Variants in NOL8 observed in about 807,000 individuals in gnomAD.
NOL8 encodes the protein nucleolar protein Nop132.
In NOL8, 93 loss-of-function variants were observed where a neutral mutation model predicts 116.1. The ratio of observed to expected loss-of-function variants is 0.80; its 90% CI spans 0.68 to 0.95. The LOEUF is 0.95. NOL8 is among the 40% of genes least tolerant of loss of function. The pLI, the probability that NOL8 is intolerant of heterozygous loss-of-function variation, is 0.00. For missense variants in NOL8, 1,291 were observed against 1,382.8 expected (o/e 0.93, Z 1.05); for synonymous variants, 419 against 469.0 (o/e 0.89, Z 1.38).
In NOL8 at chr9:92,324,115, C is replaced by G; in HGVS notation, c.47G>C (p.Ser16Thr). 6.2e-7 allele frequency: 1 copy of G among 1,614,036 alleles called. No homozygotes were observed. Among genetic ancestry groups the G allele is most frequent in the Non-Finnish European group, 8.5e-7 (1 of 1,179,884 alleles). The change falls in exon 2 of 17, where the codon AGC (serine) becomes ACC (threonine). Residue 16 changes from serine to threonine, a missense_variant. Ser to Thr is a moderately conservative substitution (Grantham distance 58). Transcript: ENST00000442668. ...ETKRLYVGGLSQDISEADLQN... is the reference protein window; with the variant it reads ...ETKRLYVGGLTQDISEADLQN... ...TAGGTCTGCCTCAGAAATGTCCTGG[C>G]TAAGGCCACCCACATAAAGGCGCTT... is the stretch of plus-strand genomic sequence containing the variant.
intron 10 of NOL8, 106 bp from the exon 11 acceptor site, chr9:92,307,130 A>C (rs750683417): frequency 1.7e-6 from 2 of 1,190,832 alleles, no homozygotes; most frequent in Non-Finnish European, 2.3e-6. Flanking sequence ...ATCCATTAAG[A>C]CAGGAAGAAG....
chr9:92,319,200 C>T (rs748126840), intron 5 of NOL8, 21 bp downstream of exon 5: 4 of 1,498,680 alleles, frequency 2.7e-6, no homozygotes, highest in South Asian at 1.4e-5. Flanking sequence ...GTAATTGGCT[C>T]AGGCTACAGA....
chr9:92,313,288 T>C (rs957304806), intron 7 of NOL8, among the ~76,000 whole-genome samples: 1 of 152,200 alleles, frequency 6.6e-6, no homozygotes, highest in Non-Finnish European at 1.5e-5. Context: ...ACGGAGCCGT[T>C]CGATTTGTTT....
Position 92,324,143 on chromosome 9 carries a change from T to C in NOL8, c.19A>G (p.Thr7Ala), listed in dbSNP as rs369205292. ...AGGCCACCCACATAAAGGCGCTTCG[T>C]TTCTCTGTTCACTTTCATGAAGGCT... MKVNRE[T>A]KRLYVGGLSQ... Residue 7 changes from threonine to alanine, a missense_variant, in exon 2 of 17, where the codon ACG becomes GCG. Coordinates refer to ENST00000442668, the MANE Select transcript of NOL8 (RefSeq NM_017948.6). The C allele has an allele frequency of 7.6e-5, 123 of 1,613,834 alleles. No homozygotes were observed. In the Middle Eastern group the frequency reaches 9.9e-4, roughly 13 times the overall value.
rs1839235700 is a variant in NOL8, at chr9:92,314,998, C to T, written c.1627G>A (p.Glu543Lys). ...RRGRQCIRPA[E>K]IVASLLEGEE... ...CCTTCTAACAGGGAAGCCACAATCT[C>T]CGCAGGACGAATACACTGTCGGCCT... The change falls in exon 7 of 17, where the codon GAG becomes AAG. Residue 543 changes from glutamate to lysine, a missense_variant. By Grantham distance (56) the Glu-to-Lys change is moderately conservative. Transcript: ENST00000442668. 2.5e-6 allele frequency: 4 copies of T among 1,614,028 alleles called. No individual in the cohort carries two copies. In the African/African-American group the frequency reaches 5.3e-5, roughly 22 times the overall value.
intron 10 of NOL8, chr9:92,308,794 A>G (rs567727822): frequency 6.6e-6 from 1 of 152,336 alleles, no homozygotes; most frequent in East Asian, 1.9e-4. Flanking sequence ...ATTGGAGACA[A>G]TGCCACTGCA....
At chr9:92,318,033 CA>C (rs745928872) in intron 6 of NOL8, among the ~76,000 whole-genome samples, 609 of 34,610 alleles carry the variant, frequency 0.018, 1 homozygote, top group African/African-American at 0.049. Flanking sequence ...GACTCCATCT[CA>C]AAAAAAAAAA....
chr9:92,317,699 C>CT (rs1839533796), intron 6 of NOL8, among the ~76,000 whole-genome samples: 1 of 152,142 alleles, frequency 6.6e-6, no homozygotes. Context: ...ATACCTGCTA[C>CT]TGTTCCCCTT....
intron 6 of NOL8, among the ~76,000 whole-genome samples, chr9:92,317,343 A>G (rs1168138310): frequency 1.3e-5 from 2 of 152,192 alleles, no homozygotes; most frequent in South Asian, 2.1e-4. Flanking sequence ...AAAAGTGTCT[A>G]TTGTCTCTAC....
In NOL8 at chr9:92,301,711, T is replaced by G. The variant is rs1837762004; in HGVS notation, c.3015A>C (p.Lys1005Asn). Residue 1005 changes from lysine to asparagine, a missense_variant, in exon 13 of 17, where the codon AAA (lysine) becomes AAC (asparagine). By Grantham distance (94) the Lys-to-Asn change is moderately conservative. Transcript: ENST00000442668. ...MDLKEIFQTT[K>N]YTSEKEEGTP... ...TGCCCTCTTCCTTTTCACTGGTATA[T>G]TTTGTAGTTTGGAATATTTCTTTCA... is the stretch of plus-strand genomic sequence containing the variant. The G allele has an allele frequency of 6.2e-7, 1 of 1,608,696 alleles. No individual in the cohort carries two copies.
At chr9:92,313,787 C>T (rs529747214) in intron 7 of NOL8, among the ~76,000 whole-genome samples, 5 of 152,298 alleles carry the variant, frequency 3.3e-5, no homozygotes, top group South Asian at 4.1e-4. Flanking sequence ...GTGTCTCCTG[C>T]GTGCTGCCAA....
At chr9:92,304,422 G>GGTACTGTACTCAAGGA (rs1302644636) in intron 12 of NOL8, among the ~76,000 whole-genome samples, 1 of 152,154 alleles carries the variant, frequency 6.6e-6, no homozygotes, top group Non-Finnish European at 1.5e-5. Flanking sequence ...CTGCACTCAA[G>GGTACTGTACTCAAGGA]GTACTGTACT....
Position 92,315,098 on chromosome 9 carries a change from A to G in NOL8, c.1527T>C (p.Asp509=), listed in dbSNP as rs1222985870. ...LKVPNEDTKS[D]GPETTTQCKF... ...TGCATTGGGTGGTGGTTTCTGGTCCATCACTCTTAGTATCTTCATTTGGAA... is the reference window on the plus strand; with the variant it reads ...TGCATTGGGTGGTGGTTTCTGGTCCGTCACTCTTAGTATCTTCATTTGGAA... Residue 509 remains aspartate (D), a synonymous_variant, in exon 7 of 17, where the codon GAT becomes GAC. Transcript: ENST00000442668. 1 of 1,613,992 alleles carries G rather than the reference A, an allele frequency of 6.2e-7. No individual in the cohort carries two copies. Among genetic ancestry groups the G allele is most frequent in the Non-Finnish European group, 8.5e-7 (1 of 1,179,886 alleles).
At chr9:92,310,805 G>A (rs541728632) in intron 8 of NOL8, 130 bp from the exon 9 acceptor site, 380 of 987,064 alleles carry the variant, frequency 3.8e-4, no homozygotes, top group Non-Finnish European at 5.2e-4. Context: ...TAAATGGCAG[G>A]TCAGGTGGAA....
intron 3 of NOL8, 67 bp downstream of exon 3, chr9:92,323,374 C>G: frequency 6.5e-7 from 1 of 1,540,732 alleles, no homozygotes; most frequent in Admixed American, 2.0e-5. Flanking sequence ...AGATTTAGAA[C>G]CAGTTATTCC....
chr9:92,313,773 T>C (rs938542900), intron 7 of NOL8, among the ~76,000 whole-genome samples: 2 of 152,188 alleles, frequency 1.3e-5, no homozygotes, highest in African/African-American at 4.8e-5. Context: ...CCAACTGACT[T>C]AGTGTGTCTC....
chr9:92,319,435 TA>T, intron 4 of NOL8, 79 bp from the exon 5 acceptor site: 1 of 1,397,570 alleles, frequency 7.2e-7, no homozygotes, highest in Non-Finnish European at 9.3e-7. Context: ...TAGGTGTGCC[TA>T]AATGAGCACT....
At chr9:92,308,438 A>G (rs967827729) in intron 10 of NOL8, among the ~76,000 whole-genome samples, 9 of 152,212 alleles carry the variant, frequency 5.9e-5, no homozygotes, top group Non-Finnish European at 1.3e-4. Context: ...CACGCCATCA[A>G]CGCAGAAAGG....
intron 10 of NOL8, chr9:92,308,921 A>G (rs1587967539): frequency 6.6e-6 from 1 of 152,244 alleles, no homozygotes; most frequent in Admixed American, 6.5e-5. Context: ...AATGAAGGTT[A>G]GTCTCCAGGT....
Sources: gnomAD v4.1 joint callset for allele counts (sites outside exome capture counted in the v4.1 genomes callset) on GRCh38, gnomAD v4.1.1 for gene constraint, MANE v1.5 for transcripts, NCBI Gene and HGNC (gene_info 2026-07-23, HGNC 2026-07-21) for gene names.